TENM2: variants seen among roughly 807,000 people sequenced by gnomAD.
TENM2 encodes teneurin transmembrane protein 2, also known as teneurin-2.
TENM2 carries 52 observed loss-of-function variants against 245.2 expected under a neutral mutation model. The observed-to-expected ratio is 0.21, with a 90% CI of 0.17 to 0.27. TENM2 has a LOEUF of 0.27. TENM2 is among the 10% of genes least tolerant of loss of function. The pLI is 1.00. For synonymous variants in TENM2, 1,363 were observed against 1,438.9 expected (o/e 0.95, Z 1.19); for missense variants, 3,046 against 3,666.8 (o/e 0.83, Z 4.37).
chr5:168,229,995 C>A (rs1764690323), intron 25 of TENM2: 1 of 152,174 alleles, frequency 6.6e-6, no homozygotes, highest in Non-Finnish European at 1.5e-5. Flanking sequence ...TCTGATAAAT[C>A]AGTTATGCAT....
chr5:168,118,320 T>A (rs1795230254), exon 10 of TENM2: 1 of 1,604,706 alleles, frequency 6.2e-7, no homozygotes, highest in South Asian at 1.1e-5. Flanking sequence ...GCAGTGGGAA[T>A]GGACAATATT....
chr5:166,994,437 C>T, the TENM2 span, among the ~76,000 whole-genome samples: 195 of 152,156 alleles, frequency 1.3e-3, no homozygotes, highest in Non-Finnish European at 2.4e-3. Context: ...TTTCAGGCTC[C>T]CTCTGAGCCA....
intron 2 of TENM2, among the ~76,000 whole-genome samples, chr5:167,417,834 T>C (rs1763251814): frequency 6.6e-6 from 1 of 152,210 alleles, no homozygotes; most frequent in Non-Finnish European, 1.5e-5. Context: ...TGTTGCTGTT[T>C]CCCTGGTGTG....
intron 2 of TENM2, among the ~76,000 whole-genome samples, chr5:167,866,264 C>A (rs2909800): frequency 6.6e-6 from 1 of 152,072 alleles, no homozygotes; most frequent in African/African-American, 2.4e-5. Context: ...TTTGGGAGAC[C>A]GAGGCAGGCG....
intron 2 of TENM2, among the ~76,000 whole-genome samples, chr5:167,722,002 G>A (rs751185018): frequency 8.5e-5 from 13 of 152,174 alleles, no homozygotes; most frequent in Non-Finnish European, 1.8e-4. Flanking sequence ...CACTCATGCT[G>A]TAGAAATAAA....
chr5:167,772,051 T>TAA (rs1763438875), intron 2 of TENM2, among the ~76,000 whole-genome samples: 1 of 152,194 alleles, frequency 6.6e-6, no homozygotes, highest in African/African-American at 2.4e-5. Context: ...TTTTCTTCTG[T>TAA]GAAAGCTTCC....
the TENM2 span, among the ~76,000 whole-genome samples, chr5:167,146,495 AGAG>A: frequency 6.6e-6 from 1 of 152,194 alleles, no homozygotes; most frequent in Non-Finnish European, 1.5e-5. Context: ...TGCTATCGAC[AGAG>A]GAGTTTACCA....
At chr5:168,203,776 C>T (rs747625585) in exon 18 of TENM2, 1 of 1,613,518 alleles carries the variant, frequency 6.2e-7, no homozygotes, top group South Asian at 1.1e-5. Flanking sequence ...GAGCTGGACC[C>T]CTCCAACCTC....
At chr5:167,491,049 G>A (rs1582191096) in intron 2 of TENM2, among the ~76,000 whole-genome samples, 1 of 152,162 alleles carries the variant, frequency 6.6e-6, no homozygotes, top group Non-Finnish European at 1.5e-5. Flanking sequence ...CAAGGAATAA[G>A]CTATGATGAT....
At chr5:167,126,279 G>A in the TENM2 span, among the ~76,000 whole-genome samples, 3 of 152,152 alleles carry the variant, frequency 2.0e-5, no homozygotes, top group African/African-American at 7.2e-5. Flanking sequence ...ATATTTCAGG[G>A]AGACAGCCAC....
At chr5:168,182,811 C>T (rs986019745) in intron 13 of TENM2, among the ~76,000 whole-genome samples, 5 of 151,374 alleles carry the variant, frequency 3.3e-5, no homozygotes, top group Admixed American at 2.0e-4. Context: ...CCTGTTCCTC[C>T]CCTTCAGGGT....
chr5:167,709,908 T>C (rs764297984), intron 2 of TENM2, among the ~76,000 whole-genome samples: 7 of 152,146 alleles, frequency 4.6e-5, no homozygotes, highest in Non-Finnish European at 1.0e-4. Flanking sequence ...TGATCAACCA[T>C]CTACATTTGG....
intron 15 of TENM2, among the ~76,000 whole-genome samples, chr5:168,198,476 G>T (rs957174421): frequency 1.3e-5 from 2 of 152,090 alleles, no homozygotes. Context: ...GATTACAGGC[G>T]TAAGCCACCA....
chr5:166,992,546 A>G, the TENM2 span, among the ~76,000 whole-genome samples: 1 of 152,328 alleles, frequency 6.6e-6, no homozygotes, highest in Non-Finnish European at 1.5e-5. Context: ...CATAGTTTCA[A>G]AGTGCTCCAT....
the TENM2 span, among the ~76,000 whole-genome samples, chr5:167,245,512 T>C: frequency 6.6e-6 from 1 of 151,356 alleles, no homozygotes; most frequent in Non-Finnish European, 1.5e-5. Context: ...CCTTTTCTTT[T>C]TCTTTTTTTT....
intron 2 of TENM2, among the ~76,000 whole-genome samples, chr5:167,465,103 G>A (rs1582123474): frequency 6.6e-6 from 1 of 152,168 alleles, no homozygotes; most frequent in South Asian, 2.1e-4. Flanking sequence ...TGTTTAAGTT[G>A]CAAGTGATGT....
At chr5:167,338,412 G>T (rs1757904040) in intron 1 of TENM2, among the ~76,000 whole-genome samples, 1 of 152,126 alleles carries the variant, frequency 6.6e-6, no homozygotes, top group Non-Finnish European at 1.5e-5. Flanking sequence ...CACTGTCCTT[G>T]CTCCGACATA....
At chr5:167,072,394 T>G in the TENM2 span, among the ~76,000 whole-genome samples, 2 of 152,190 alleles carry the variant, frequency 1.3e-5, no homozygotes, top group Non-Finnish European at 2.9e-5. Context: ...TTTGATGTGT[T>G]GCCTTTTTTT....
At chr5:168,064,913 C>G (rs984164236) in intron 7 of TENM2, among the ~76,000 whole-genome samples, 1 of 152,210 alleles carries the variant, frequency 6.6e-6, no homozygotes, top group Non-Finnish European at 1.5e-5. Flanking sequence ...CACATTCATT[C>G]GCTGTCATTA....
Sources: gnomAD v4.1 joint callset for allele counts (sites outside exome capture counted in the v4.1 genomes callset) on GRCh38, gnomAD v4.1.1 for gene constraint, MANE v1.5 for transcripts, NCBI Gene and HGNC (gene_info 2026-07-23, HGNC 2026-07-21) for gene names.